The following CCDC90B variants were observed in gnomAD, a reference collection of about 807,000 sequenced individuals.
The protein encoded by CCDC90B is coiled-coil domain-containing protein 90B, mitochondrial.
In CCDC90B, 24 loss-of-function variants were observed where a neutral mutation model predicts 37.0. That is an observed-to-expected ratio of 0.65 (90% CI 0.47 to 0.91). The LOEUF (loss-of-function observed/expected upper bound fraction) is 0.91, where lower values mean the gene tolerates loss of function less well. Ranked by LOEUF, CCDC90B falls within the 40% of genes least tolerant of loss-of-function variation. The pLI, the probability that CCDC90B is intolerant of heterozygous loss-of-function variation, is 0.00. For synonymous variants in CCDC90B, 113 were observed against 101.1 expected (o/e 1.12, Z -0.71); for missense variants, 319 against 299.0 (o/e 1.07, Z -0.49).
At chr11:83,282,911 T>G (rs1339609775) in intron 1 of CCDC90B, among the ~76,000 whole-genome samples, 1 of 152,248 alleles carries the variant, frequency 6.6e-6, no homozygotes, top group African/African-American at 2.4e-5. Context: ...CCGCCTGTTT[T>G]TCTAGTTTTA....
chr11:83,284,946 C>T (rs1591068272), intron 1 of CCDC90B, among the ~76,000 whole-genome samples: 2 of 152,292 alleles, frequency 1.3e-5, no homozygotes, highest in East Asian at 3.9e-4. Flanking sequence ...CAAAAGAGAC[C>T]TTGTGAATGA....
chr11:83,279,152 G>A (rs1413505277), intron 2 of CCDC90B, among the ~76,000 whole-genome samples: 2 of 151,962 alleles, frequency 1.3e-5, no homozygotes, highest in African/African-American at 4.8e-5. Context: ...GTGGTGGCGG[G>A]CGCCCGTAGT....
intron 1 of CCDC90B, chr11:83,285,215 G>C: frequency 3.9e-6 from 5 of 1,285,820 alleles, no homozygotes; most frequent in Non-Finnish European, 5.1e-6. Context: ...TTAAAAACTG[G>C]GAGGGAAGTT....
intron 7 of CCDC90B, chr11:83,273,112 A>T (rs2135627612): frequency 6.6e-6 from 1 of 152,310 alleles, no homozygotes; most frequent in African/African-American, 2.4e-5. Flanking sequence ...AATAAACACT[A>T]AATATTAGTG....
intron 3 of CCDC90B, among the ~76,000 whole-genome samples, chr11:83,275,223 T>G (rs1864951556): frequency 6.6e-6 from 1 of 152,170 alleles, no homozygotes; most frequent in African/African-American, 2.4e-5. Flanking sequence ...TTTGTTTAAA[T>G]TCCTGGGTAT....
At chr11:83,268,218 A>G (rs1264689137) in intron 7 of CCDC90B, among the ~76,000 whole-genome samples, 1 of 152,214 alleles carries the variant, frequency 6.6e-6, no homozygotes, top group Non-Finnish European at 1.5e-5. Context: ...ATAACCAGCG[A>G]ACATCATAAT....
chr11:83,286,044 G>GT lies in CCDC90B; in HGVS notation c.-73dup. 1 of 1,550,862 alleles carries GT rather than the reference G, an allele frequency of 6.4e-7. No individual in the cohort carries two copies. The highest frequency in any genetic ancestry group is 1.2e-5 in the South Asian group (1 of 84,608). ...CTCGCACAGGCTTTCGGGCAAGGTA[G>GT]TTCTGGCACCACAGGAATGCTGGGA... On this transcript the variant is annotated 5_prime_UTR_variant, in exon 1 of 9. Coordinates refer to ENST00000529689, the MANE Select transcript of CCDC90B (RefSeq NM_021825.5).
At chr11:83,279,040 T>C (rs1865217823) in intron 2 of CCDC90B, among the ~76,000 whole-genome samples, 2 of 152,100 alleles carry the variant, frequency 1.3e-5, no homozygotes, top group Admixed American at 6.6e-5. Flanking sequence ...TCCCAGCACT[T>C]TGGGAGGCCG....
intron 1 of CCDC90B, among the ~76,000 whole-genome samples, chr11:83,284,496 T>A (rs1865567224): frequency 1.3e-5 from 2 of 152,240 alleles, no homozygotes; most frequent in Non-Finnish European, 2.9e-5. Context: ...GCTGGTCTAC[T>A]AACGTGCTAC....
At position 83,264,374 on chromosome 11, in the gene CCDC90B, G is replaced by T. The variant is rs895194914; in HGVS notation, c.709+1491C>A. 2.0e-5 allele frequency among the ~76,000 whole-genome samples: 3 copies of T among 152,174 alleles called. No individual in the cohort carries two copies. The East Asian group carries it at 5.8e-4, about 29-fold the overall frequency. On this transcript the variant is annotated intron_variant, in intron 8 of 8. Coordinates refer to ENST00000529689, the MANE Select transcript of CCDC90B (RefSeq NM_021825.5). ...GAAGTATATAAGATGTTTATATACAGAAGAAAAAGCCTAGAAAATGTTTAC... is the reference window on the plus strand; with the variant it reads ...GAAGTATATAAGATGTTTATATACATAAGAAAAAGCCTAGAAAATGTTTAC...
In CCDC90B at chr11:83,281,523, A is replaced by G. The variant is rs992521447; in HGVS notation, c.101-1263T>C. ...TTTAACTGAAGAGATAAAAGCAAGT[A>G]GCTGTAAATAAAGGTGGAGCAATTT... is the stretch of plus-strand genomic sequence containing the variant. On this transcript the variant is annotated intron_variant, in intron 1 of 8. Coordinates refer to ENST00000529689, the MANE Select transcript of CCDC90B (RefSeq NM_021825.5). Among the ~76,000 whole-genome samples the G allele has an allele frequency of 4.6e-5, 7 of 152,364 alleles. No homozygotes were observed. The South Asian group carries it at 1.4e-3, about 32-fold the overall frequency.
chr11:83,273,536 A>G (rs983920840), intron 7 of CCDC90B, 111 bp downstream of exon 7: 21 of 742,620 alleles, frequency 2.8e-5, no homozygotes, highest in Non-Finnish European at 4.3e-5. Flanking sequence ...GAAGCCAGAG[A>G]CTCTACAAGG....
intron 7 of CCDC90B, among the ~76,000 whole-genome samples, chr11:83,272,677 A>T (rs1307790487): frequency 6.6e-6 from 1 of 152,218 alleles, no homozygotes. Context: ...TATCTCCTTT[A>T]TCTGGCCAAG....
In CCDC90B at chr11:83,265,965, T is replaced by C. The variant is rs540622602; in HGVS notation, c.609A>G (p.Lys203=). The C allele has an allele frequency of 7.5e-6, 12 of 1,603,264 alleles. No individual in the cohort carries two copies. The South Asian group carries it at 1.1e-4, about 15-fold the overall frequency. Reference sequence around the variant, plus strand: ...TATTACTGGTCTCTGAAATAATACTTTTGGTTTGAGTATCCTGTGGTAAAC... The same window carrying C: ...TATTACTGGTCTCTGAAATAATACTCTTGGTTTGAGTATCCTGTGGTAAAC... ...TEFTKKDTQT[K]SIISETSNKI... Residue 203 remains lysine, a synonymous_variant, in exon 8 of 9, where the codon AAA becomes AAG. Transcript: ENST00000529689.
chr11:83,285,701 G>A, intron 1 of CCDC90B, 172 bp downstream of exon 1: 1 of 1,432,960 alleles, frequency 7.0e-7, no homozygotes, highest in Non-Finnish European at 9.1e-7. Context: ...TCGCCCCTTG[G>A]GGCGAGCTGG....
At chr11:83,274,845 G>A (rs1864927590) in intron 3 of CCDC90B, 105 bp from the exon 4 acceptor site, 1 of 646,108 alleles carries the variant, frequency 1.5e-6, no homozygotes, top group African/African-American at 1.9e-5. Context: ...ATGCTACAAG[G>A]TATAATGTTG....
At position 83,259,284 on chromosome 11, in the gene CCDC90B, C is replaced by CAT. The variant is rs1485524850; in HGVS notation, c.*2625_*2626dup. 1.3e-5 allele frequency: 2 copies of CAT among 152,256 alleles called. No individual in the cohort carries two copies. Among genetic ancestry groups the CAT allele is most frequent in the African/African-American group, 4.8e-5 (2 of 41,564 alleles). 9.4% of individuals were successfully genotyped at this position (152,256 alleles called of 1,614,324 possible). On this transcript the variant is annotated 3_prime_UTR_variant, in exon 9 of 9. Coordinates refer to ENST00000529689, the MANE Select transcript of CCDC90B (RefSeq NM_021825.5). ...AAACACAATCCTCTCATCCTTATTT[C>CAT]ATATATTTCCATCACTGAAACAAAA...
intron 7 of CCDC90B, among the ~76,000 whole-genome samples, chr11:83,272,247 T>TA (rs1198295419): frequency 1.3e-5 from 2 of 152,050 alleles, no homozygotes; most frequent in African/African-American, 2.4e-5. Context: ...CTTAAAGTAT[T>TA]AAAAAAAATT....
chr11:83,275,898 A>C (rs1429601752), intron 3 of CCDC90B, among the ~76,000 whole-genome samples: 1 of 152,230 alleles, frequency 6.6e-6, no homozygotes, highest in African/African-American at 2.4e-5. Flanking sequence ...GAGATTATGT[A>C]CATATAATGC....
Sources: allele counts gnomAD v4.1 joint callset (sites outside exome capture counted in the v4.1 genomes callset), GRCh38; gene constraint gnomAD v4.1.1; transcripts MANE v1.5; gene names NCBI Gene and HGNC (gene_info 2026-07-23, HGNC 2026-07-21).